Variants in CFAP70 observed in about 807,000 individuals in gnomAD.
CFAP70 encodes cilia- and flagella-associated protein 70.
A neutral mutation model predicts 137.6 loss-of-function variants in CFAP70; 81 were observed. The observed-to-expected ratio is 0.59, with a 90% CI of 0.49 to 0.71. The LOEUF (loss-of-function observed/expected upper bound fraction) is 0.71. Ranked by LOEUF, CFAP70 falls within the 30% of genes least tolerant of loss-of-function variation. The probability of loss-of-function intolerance (pLI) is 0.00; values close to 1 mark genes in which losing one functional copy is unlikely to be tolerated. For missense variants in CFAP70, 976 were observed against 1,226.7 expected, an observed-to-expected ratio of 0.80 and a Z score of 3.05; for synonymous variants, 382 against 423.6, an observed-to-expected ratio of 0.90 and a Z score of 1.20.
At chr10:73,258,563 A>G (rs576674103) in intron 25 of CFAP70, among the ~76,000 whole-genome samples, 13 of 152,364 alleles carry the variant, frequency 8.5e-5, no homozygotes, top group African/African-American at 2.9e-4. Context: ...AAGGAACAGG[A>G]TGGCTGTGAT....
chr10:73,297,630 T>C (rs2048640872), intron 14 of CFAP70, among the ~76,000 whole-genome samples: 1 of 152,192 alleles, frequency 6.6e-6, no homozygotes, highest in Non-Finnish European at 1.5e-5. Context: ...GATATGTAGT[T>C]CTGGTATTAT....
At chr10:73,345,988 T>A (rs927399842) in intron 4 of CFAP70, among the ~76,000 whole-genome samples, 2 of 150,656 alleles carry the variant, frequency 1.3e-5, no homozygotes, top group African/African-American at 4.9e-5. Context: ...CAACCCCGCC[T>A]CCTGGGTTCA....
intron 26 of CFAP70, among the ~76,000 whole-genome samples, chr10:73,255,766 C>G (rs1028311371): frequency 2.6e-5 from 4 of 151,912 alleles, no homozygotes; most frequent in Non-Finnish European, 5.9e-5. Flanking sequence ...AGGATGGTCT[C>G]CATCTCTTGA....
chr10:73,271,196 G>A (rs933357614), intron 24 of CFAP70, among the ~76,000 whole-genome samples: 2 of 152,046 alleles, frequency 1.3e-5, no homozygotes, highest in Non-Finnish European at 2.9e-5. Context: ...GCCCTCAAAG[G>A]GCTCACTGAC....
intron 25 of CFAP70, among the ~76,000 whole-genome samples, chr10:73,256,676 G>A (rs1169383247): frequency 6.6e-6 from 1 of 151,786 alleles, no homozygotes; most frequent in Non-Finnish European, 1.5e-5. Flanking sequence ...GACCGAGGTG[G>A]GTGGATCACA....
chr10:73,277,913 T>C (rs2046908603), intron 20 of CFAP70, among the ~76,000 whole-genome samples: 1 of 152,206 alleles, frequency 6.6e-6, no homozygotes, highest in Admixed American at 6.5e-5. Flanking sequence ...AAAAAGGTAT[T>C]CAGATCTTCT....
At chr10:73,351,091 A>G (rs1475805251) in intron 3 of CFAP70, among the ~76,000 whole-genome samples, 3,328 of 104,746 alleles carry the variant, frequency 0.032, 229 homozygotes, top group African/African-American at 0.11. Context: ...ATATATATAT[A>G]TATATATATA....
chr10:73,280,297 T>G (rs755398851), intron 19 of CFAP70, among the ~76,000 whole-genome samples: 8 of 152,066 alleles, frequency 5.3e-5, no homozygotes, highest in Admixed American at 1.3e-4. Context: ...AACAAAACCT[T>G]GTCTCTTAAA....
At chr10:73,287,061 A>G (rs576127794) in intron 19 of CFAP70, among the ~76,000 whole-genome samples, 1 of 152,302 alleles carries the variant, frequency 6.6e-6, no homozygotes, top group South Asian at 2.1e-4. Context: ...GGCCATCACA[A>G]CATTTCACAG....
chr10:73,272,408 A>G (rs1463367201), intron 24 of CFAP70, among the ~76,000 whole-genome samples: 2 of 152,194 alleles, frequency 1.3e-5, no homozygotes, highest in African/African-American at 4.8e-5. Flanking sequence ...ACATGGAGTC[A>G]ATAATATGCC....
intron 19 of CFAP70, among the ~76,000 whole-genome samples, chr10:73,284,970 C>T (rs943865608): frequency 1.1e-4 from 17 of 150,716 alleles, no homozygotes; most frequent in African/African-American, 3.7e-4. Flanking sequence ...GAGGGTTTGC[C>T]ACACCACTTC....
At chr10:73,261,320 T>A (rs2045160353) in intron 25 of CFAP70, among the ~76,000 whole-genome samples, 2 of 152,074 alleles carry the variant, frequency 1.3e-5, no homozygotes, top group African/African-American at 4.8e-5. Flanking sequence ...TATTTTTTAT[T>A]TACTGTATTA....
At chr10:73,306,062 G>T (rs1244529457) in intron 12 of CFAP70, among the ~76,000 whole-genome samples, 1 of 151,906 alleles carries the variant, frequency 6.6e-6, no homozygotes, top group African/African-American at 2.4e-5. Context: ...TTCACTAAAG[G>T]GTTCAACAGC....
chr10:73,291,200 T>A, intron 19 of CFAP70, 26 bp downstream of exon 20: 1 of 1,608,902 alleles, frequency 6.2e-7, no homozygotes, highest in Non-Finnish European at 8.5e-7. Flanking sequence ...TAATAGCCAC[T>A]CTTCACCTCT....
At chr10:73,305,096 G>C (rs2049275847) in intron 12 of CFAP70, among the ~76,000 whole-genome samples, 3 of 152,210 alleles carry the variant, frequency 2.0e-5, no homozygotes, top group Admixed American at 2.0e-4. Flanking sequence ...GATTCTGGAG[G>C]AAGCAGAGCA....
intron 15 of CFAP70, chr10:73,295,509 C>T (rs1263856235): frequency 1.3e-5 from 2 of 152,160 alleles, no homozygotes; most frequent in Non-Finnish European, 2.9e-5. Context: ...CTCATTTACT[C>T]AATTCATCAT....
At chr10:73,339,365 C>T (rs908617584) in intron 6 of CFAP70, among the ~76,000 whole-genome samples, 11 of 152,176 alleles carry the variant, frequency 7.2e-5, no homozygotes, top group African/African-American at 2.2e-4. Flanking sequence ...CTTTTATATA[C>T]ATAAGAAAGT....
intron 25 of CFAP70, among the ~76,000 whole-genome samples, chr10:73,267,634 T>A (rs2045896328): frequency 6.6e-6 from 1 of 152,174 alleles, no homozygotes; most frequent in Non-Finnish European, 1.5e-5. Context: ...AAGGCCTAAT[T>A]TTCTACTGCT....
In CFAP70 at chr10:73,311,926, T is replaced by C. The variant is rs948951282; in HGVS notation, c.1084-12A>G. The C allele has an allele frequency of 5.0e-6, 8 of 1,603,746 alleles. No homozygotes were observed. The highest frequency in any genetic ancestry group is 1.7e-4 in the Middle Eastern group (1 of 6,046). On this transcript the variant is annotated splice_polypyrimidine_tract_variant and intron_variant, in intron 10 of 26. Transcript: ENST00000310715. The stretch of plus-strand genomic sequence containing the variant: ...ATACTAGGTGCCTGCTGAAAGAAAA[T>C]GAACACACCTCAAAAATTGAATTCC...
Sources: allele counts gnomAD v4.1 joint callset (sites outside exome capture counted in the v4.1 genomes callset), GRCh38; gene constraint gnomAD v4.1.1; transcripts MANE v1.5; gene names NCBI Gene and HGNC (gene_info 2026-07-23, HGNC 2026-07-21).